SPAST: variants seen among roughly 807,000 people sequenced by gnomAD.
The protein encoded by SPAST is spastin.
In SPAST, 30 loss-of-function variants were observed where a neutral mutation model predicts 76.6. That is an observed-to-expected ratio of 0.39 (90% CI 0.29 to 0.53). The LOEUF is 0.53. Among genes scored for constraint, SPAST ranks in the 20% least tolerant of loss-of-function variants. SPAST has a pLI of 0.68. For synonymous variants in SPAST, 305 were observed against 281.0 expected, an observed-to-expected ratio of 1.09 and a Z score of -0.86; for missense variants, 717 against 770.5, an observed-to-expected ratio of 0.93 and a Z score of 0.82.
At position 32,113,609 on chromosome 2, in the gene SPAST, A is replaced by C. The variant is rs1269415429; in HGVS notation, c.683-1029A>C. ...GAGACAGAGTTTCACTCTGTCACCCAGGCTGGAGTGCAGTAGTGCAATCTC... is the reference window on the plus strand; with the variant it reads ...GAGACAGAGTTTCACTCTGTCACCCCGGCTGGAGTGCAGTAGTGCAATCTC... On this transcript the variant is annotated intron_variant, in intron 4 of 16. Coordinates refer to ENST00000315285, the MANE Select transcript of SPAST (RefSeq NM_014946.4). 6.5e-5 allele frequency among the ~76,000 whole-genome samples: 8 copies of C among 123,776 alleles called. No individual in the cohort carries two copies. The East Asian group carries it at 1.7e-3, about 26-fold the overall frequency. The allele number at this position is 123,776 out of a possible 152,430, so 81.2% of individuals were successfully genotyped here. A position where few individuals can be genotyped will look rare whatever the true frequency, so the allele number is the denominator to read the frequency against.
chr2:32,086,813 AAAT>A (rs1308564891), intron 1 of SPAST, among the ~76,000 whole-genome samples: 1 of 152,234 alleles, frequency 6.6e-6, no homozygotes, highest in East Asian at 1.9e-4. Flanking sequence ...AAATGTTCAA[AAAT>A]AATAGAAATA....
chr2:32,122,765 C>T (rs973338364), intron 7 of SPAST, among the ~76,000 whole-genome samples: 1 of 145,572 alleles, frequency 6.9e-6, no homozygotes, highest in Non-Finnish European at 1.5e-5. Flanking sequence ...TGTAGTGAAA[C>T]CCCATCTATA....
At chr2:32,082,076 C>T (rs1400021125) in intron 1 of SPAST, among the ~76,000 whole-genome samples, 2 of 144,916 alleles carry the variant, frequency 1.4e-5, no homozygotes, top group Non-Finnish European at 3.0e-5. Context: ...TGCAACCTCT[C>T]CCTCCTGGGT....
At chr2:32,064,647 G>C (rs907893387) in intron 1 of SPAST, among the ~76,000 whole-genome samples, 2 of 152,302 alleles carry the variant, frequency 1.3e-5, no homozygotes, top group South Asian at 4.1e-4. Context: ...AAGCAGTGCC[G>C]CCTTACTGGC....
chr2:32,142,752 T>C (rs140318720), intron 13 of SPAST, among the ~76,000 whole-genome samples: 118 of 151,750 alleles, frequency 7.8e-4, no homozygotes, highest in African/African-American at 2.8e-3. Context: ...AGGGTGAGAG[T>C]TGGGAATGAG....
intron 1 of SPAST, among the ~76,000 whole-genome samples, chr2:32,076,106 G>T (rs1676954400): frequency 6.6e-6 from 1 of 151,406 alleles, no homozygotes; most frequent in Middle Eastern, 3.4e-3. Context: ...TTGTCATGTT[G>T]TCCAGGCTAG....
At chr2:32,081,463 G>T (rs1182758537) in intron 1 of SPAST, among the ~76,000 whole-genome samples, 2 of 152,084 alleles carry the variant, frequency 1.3e-5, no homozygotes, top group Non-Finnish European at 2.9e-5. Flanking sequence ...CTTCTCCTGG[G>T]CATGCTCTGA....
At chr2:32,064,280 CCGGGAAGAAGGCGGT>C in intron 1 of SPAST, 34 bp downstream of exon 1, 1 of 1,288,134 alleles carries the variant, frequency 7.8e-7, no homozygotes, top group Non-Finnish European at 1.1e-6. Flanking sequence ...GGCGGCGGCG[CCGGGAAGAAGGCGGT>C]GGGGTCGCCG....
intron 7 of SPAST, among the ~76,000 whole-genome samples, chr2:32,123,343 T>C (rs1679081035): frequency 1.3e-5 from 2 of 151,864 alleles, no homozygotes; most frequent in Non-Finnish European, 2.9e-5. Flanking sequence ...TTGTAGAAGA[T>C]CTATATGAGA....
intron 1 of SPAST, among the ~76,000 whole-genome samples, chr2:32,078,308 GATTAC>G (rs1441072344): frequency 1.3e-5 from 2 of 152,170 alleles, no homozygotes; most frequent in Non-Finnish European, 2.9e-5. Context: ...AGTAGCTTGG[GATTAC>G]AGGCATGTGC....
intron 1 of SPAST, among the ~76,000 whole-genome samples, chr2:32,071,197 A>G (rs188787977): frequency 1.3e-5 from 2 of 152,338 alleles, no homozygotes; most frequent in African/African-American, 4.8e-5. Context: ...TTTCTCAAGT[A>G]CATAGGACTA....
At chr2:32,139,485 G>A (rs1354595166) in intron 12 of SPAST, among the ~76,000 whole-genome samples, 1 of 152,110 alleles carries the variant, frequency 6.6e-6, no homozygotes. Flanking sequence ...TAATGTCCAG[G>A]CTAAGAGTCA....
chr2:32,134,765 G>A (rs368490005), intron 9 of SPAST, among the ~76,000 whole-genome samples: 9 of 152,098 alleles, frequency 5.9e-5, no homozygotes, highest in East Asian at 5.8e-4. Context: ...GTGCGATCTC[G>A]GCTCACTGCA....
intron 2 of SPAST, among the ~76,000 whole-genome samples, chr2:32,088,008 C>G (rs1027524267): frequency 2.0e-5 from 3 of 151,896 alleles, no homozygotes; most frequent in South Asian, 4.2e-4. Flanking sequence ...CTGCCTGAGA[C>G]TCCTGAGTAG....
chr2:32,104,361 G>GA (rs1346911825), intron 4 of SPAST, among the ~76,000 whole-genome samples: 3 of 152,060 alleles, frequency 2.0e-5, no homozygotes, highest in Non-Finnish European at 4.4e-5. Flanking sequence ...ACGTGAGATG[G>GA]GTTTCCTGAA....
chr2:32,117,578 C>A (rs1464727466), intron 7 of SPAST, among the ~76,000 whole-genome samples: 1 of 141,438 alleles, frequency 7.1e-6, no homozygotes, highest in Non-Finnish European at 1.5e-5. Context: ...GTTACCCAGG[C>A]TGGAGTGCAG....
At chr2:32,146,997 G>A (rs1679908460) in intron 15 of SPAST, among the ~76,000 whole-genome samples, 1 of 151,780 alleles carries the variant, frequency 6.6e-6, no homozygotes, top group Non-Finnish European at 1.5e-5. Context: ...TGGGCAGTAT[G>A]CAAGAAATTG....
intron 3 of SPAST, among the ~76,000 whole-genome samples, chr2:32,097,548 T>C (rs1235724587): frequency 6.6e-6 from 1 of 152,186 alleles, no homozygotes; most frequent in Non-Finnish European, 1.5e-5. Context: ...GCAGTATGCT[T>C]ATTTGACTTT....
chr2:32,080,200 A>C (rs1677148306), intron 1 of SPAST, among the ~76,000 whole-genome samples: 1 of 152,170 alleles, frequency 6.6e-6, no homozygotes, highest in Non-Finnish European at 1.5e-5. Context: ...TTTGTCATGT[A>C]CTTATGTACC....
Sources: gnomAD v4.1 joint callset for allele counts (sites outside exome capture counted in the v4.1 genomes callset) on GRCh38, gnomAD v4.1.1 for gene constraint, MANE v1.5 for transcripts, NCBI Gene and HGNC (gene_info 2026-07-23, HGNC 2026-07-21) for gene names.